The following ZNF385D variants were observed in gnomAD, a reference collection of about 807,000 sequenced individuals.
ZNF385D encodes the protein zinc finger protein 659.
Under a neutral mutation model 35.8 loss-of-function variants are expected in ZNF385D, and 15 were observed. The ratio of observed to expected loss-of-function variants is 0.42; its 90% CI spans 0.28 to 0.64. ZNF385D has a LOEUF of 0.64. ZNF385D is among the 30% of genes least tolerant of loss of function. The probability of loss-of-function intolerance (pLI) is 0.23; values close to 1 mark genes in which losing one functional copy is unlikely to be tolerated. For synonymous variants in ZNF385D, 212 were observed against 186.8 expected, an observed-to-expected ratio of 1.13 and a Z score of -1.10; for missense variants, 474 against 494.6, an observed-to-expected ratio of 0.96 and a Z score of 0.39.
At chr3:21,971,000 G>A (rs1411909781) in intron 3 of ZNF385D, among the ~76,000 whole-genome samples, 2 of 151,952 alleles carry the variant, frequency 1.3e-5, no homozygotes, top group Non-Finnish European at 2.9e-5. Flanking sequence ...GAAAGAAATA[G>A]TTTTCCAGAC....
At chr3:22,342,993 A>G (rs1695492991) in intron 2 of ZNF385D, among the ~76,000 whole-genome samples, 1 of 152,230 alleles carries the variant, frequency 6.6e-6, no homozygotes, top group South Asian at 2.1e-4. Flanking sequence ...GTTATGAACA[A>G]ATACACACCT....
intron 3 of ZNF385D, among the ~76,000 whole-genome samples, chr3:21,947,040 G>A (rs190943005): frequency 1.3e-4 from 20 of 152,148 alleles, no homozygotes; most frequent in Admixed American, 1.3e-3. Flanking sequence ...GAAATGTCTT[G>A]TGAATCTATG....
intron 2 of ZNF385D, among the ~76,000 whole-genome samples, chr3:22,208,239 A>G (rs1422636377): frequency 6.6e-6 from 1 of 151,964 alleles, no homozygotes; most frequent in Non-Finnish European, 1.5e-5. Flanking sequence ...CATATACACA[A>G]TGGAGAGCTA....
At chr3:21,840,995 T>C (rs1695637537) in intron 3 of ZNF385D, among the ~76,000 whole-genome samples, 1 of 151,982 alleles carries the variant, frequency 6.6e-6, no homozygotes, top group Non-Finnish European at 1.5e-5. Context: ...TTAGCTTCCC[T>C]GACAAACTGA....
intron 3 of ZNF385D, among the ~76,000 whole-genome samples, chr3:21,921,918 C>T (rs187900274): frequency 9.9e-5 from 15 of 150,850 alleles, no homozygotes; most frequent in South Asian, 4.2e-4. Flanking sequence ...ACAAGACATA[C>T]GAAGAAGAGA....
At chr3:21,651,607 C>T (rs1358286536) in intron 2 of ZNF385D, among the ~76,000 whole-genome samples, 1 of 151,136 alleles carries the variant, frequency 6.6e-6, no homozygotes, top group Non-Finnish European at 1.5e-5. Flanking sequence ...TAGAATAATG[C>T]CATTTATATA....
chr3:22,222,293 A>C (rs1052556348), intron 2 of ZNF385D, among the ~76,000 whole-genome samples: 1 of 152,042 alleles, frequency 6.6e-6, no homozygotes, highest in Non-Finnish European at 1.5e-5. Context: ...CTGGCCATAA[A>C]AAACACATAG....
intron 3 of ZNF385D, among the ~76,000 whole-genome samples, chr3:21,947,056 T>C (rs927649869): frequency 6.6e-6 from 1 of 152,170 alleles, no homozygotes; most frequent in African/African-American, 2.4e-5. Context: ...CTATGATTTC[T>C]TTCTTAACCT....
chr3:22,139,043 T>C (rs1704329652), intron 3 of ZNF385D, among the ~76,000 whole-genome samples: 1 of 152,308 alleles, frequency 6.6e-6, no homozygotes, highest in Non-Finnish European at 1.5e-5. Context: ...AAGACATTTA[T>C]GCGGCCAACA....
intron 3 of ZNF385D, among the ~76,000 whole-genome samples, chr3:21,965,232 G>T (rs1702849810): frequency 6.6e-6 from 1 of 152,114 alleles, no homozygotes; most frequent in African/African-American, 2.4e-5. Context: ...TGGGTTTAAG[G>T]ATAATTAGAT....
chr3:21,778,593 CAT>C (rs537256532), intron 3 of ZNF385D, among the ~76,000 whole-genome samples: 2 of 151,734 alleles, frequency 1.3e-5, no homozygotes, highest in Non-Finnish European at 2.9e-5. Context: ...GAAATATACA[CAT>C]ATATATATAC....
chr3:22,317,353 C>T (rs4585224), intron 2 of ZNF385D, among the ~76,000 whole-genome samples: 93,035 of 147,704 alleles, frequency 0.63, 31,653 homozygotes, highest in African/African-American at 0.9. Flanking sequence ...CTTAAACTCA[C>T]TCCCTAAGGA....
intron 3 of ZNF385D, chr3:22,133,758 C>T (rs568500544): frequency 6.6e-6 from 1 of 151,946 alleles, no homozygotes; most frequent in Non-Finnish European, 1.5e-5. Context: ...CAAGGAATGG[C>T]TTCGAAGCCA....
intron 2 of ZNF385D, among the ~76,000 whole-genome samples, chr3:22,205,705 ATAT>A (rs1403314755): frequency 5.9e-5 from 9 of 152,032 alleles, no homozygotes; most frequent in African/African-American, 2.2e-4. Flanking sequence ...GGGTTACAAG[ATAT>A]TATTTGCAAG....
At chr3:22,314,636 G>A (rs998724739) in intron 2 of ZNF385D, among the ~76,000 whole-genome samples, 4 of 152,136 alleles carry the variant, frequency 2.6e-5, no homozygotes, top group Middle Eastern at 3.4e-3. Context: ...CTGGCAGCCT[G>A]CAAATCATTG....
chr3:22,068,067 G>T (rs1307701792), intron 3 of ZNF385D, among the ~76,000 whole-genome samples: 1 of 152,110 alleles, frequency 6.6e-6, no homozygotes, highest in Non-Finnish European at 1.5e-5. Context: ...GTTACCTGTG[G>T]CTTTTGAAAT....
intron 3 of ZNF385D, among the ~76,000 whole-genome samples, chr3:22,136,856 T>G (rs936955281): frequency 3.9e-5 from 6 of 152,086 alleles, no homozygotes; most frequent in African/African-American, 1.4e-4. Flanking sequence ...ACTGTAGAAT[T>G]CCAACTATGT....
At chr3:21,808,164 T>C (rs1575686696) in intron 3 of ZNF385D, among the ~76,000 whole-genome samples, 2 of 152,272 alleles carry the variant, frequency 1.3e-5, no homozygotes, top group East Asian at 3.9e-4. Context: ...AATCCTTTAG[T>C]ATAGGATAAG....
intron 3 of ZNF385D, among the ~76,000 whole-genome samples, chr3:21,816,324 G>C (rs1166464889): frequency 6.6e-6 from 1 of 152,112 alleles, no homozygotes; most frequent in Non-Finnish European, 1.5e-5. Flanking sequence ...TGGAAGTTTG[G>C]GCCAGGGCAA....
Sources: gnomAD v4.1 joint callset for allele counts (sites outside exome capture counted in the v4.1 genomes callset) on GRCh38, gnomAD v4.1.1 for gene constraint, MANE v1.5 for transcripts, NCBI Gene and HGNC (gene_info 2026-07-23, HGNC 2026-07-21) for gene names.